The following RPGR variants were observed in gnomAD, a reference collection of about 807,000 sequenced individuals.
RPGR encodes the protein retinitis pigmentosa GTPase regulator, also known as X-linked retinitis pigmentosa GTPase regulator.
A neutral mutation model predicts 56.3 loss-of-function variants in RPGR; 10 were observed. That is an observed-to-expected ratio of 0.18 (90% CI 0.11 to 0.30). The LOEUF (loss-of-function observed/expected upper bound fraction) is 0.30. Among genes scored for constraint, RPGR ranks in the 10% least tolerant of loss-of-function variants. The pLI is 1.00. For missense variants in RPGR, 538 were observed against 590.9 expected (o/e 0.91, Z 0.93); for synonymous variants, 197 against 212.9 (o/e 0.93, Z 0.65).
chrX:38,318,694 A>T, intron 5 of RPGR, 135 bp downstream of exon 5: 1 of 636,213 alleles, frequency 1.6e-6, no homozygotes, highest in Non-Finnish European at 2.5e-6. Flanking sequence ...GTTATATTTT[A>T]AATGTTTTCT....
chrX:38,284,476 T>G, intron 15 of RPGR: 5 of 751,119 alleles, frequency 6.7e-6, no homozygotes, highest in Non-Finnish European at 7.9e-6. Flanking sequence ...TACAGAACAG[T>G]CAGTGAATAC....
chrX:38,270,458 C>CAAAAAAAAAAAA (rs771458538), intron 18 of RPGR, among the ~76,000 whole-genome samples: 1 of 76,526 alleles, frequency 1.3e-5, no homozygotes, highest in African/African-American at 5.1e-5. Context: ...ACTACAAATA[C>CAAAAAAAAAAAA]AAAAAAAAAA....
chrX:38,292,688 C>A (rs1319202014), intron 11 of RPGR, among the ~76,000 whole-genome samples: 3 of 112,206 alleles, frequency 2.7e-5, no homozygotes, highest in Non-Finnish European at 5.6e-5. Context: ...CTAATAAGTT[C>A]ATTAAGTATT....
intron 9 of RPGR, 99 bp from the exon 10 acceptor site, chrX:38,299,240 C>A: frequency 1.1e-6 from 1 of 875,415 alleles, no homozygotes; most frequent in Non-Finnish European, 1.6e-6. Context: ...TAGTGGTAGG[C>A]TTCCTAGACA....
intron 18 of RPGR, among the ~76,000 whole-genome samples, chrX:38,271,906 A>T (rs2066847050): frequency 8.9e-6 from 1 of 112,640 alleles, no homozygotes; most frequent in African/African-American, 3.2e-5. Context: ...AGACTAGAAT[A>T]AAAAAAGTAA....
chrX:38,292,714 G>A (rs1425855022), intron 11 of RPGR, among the ~76,000 whole-genome samples: 1 of 112,206 alleles, frequency 8.9e-6, no homozygotes, highest in Middle Eastern at 4.2e-3. Context: ...TTGCAATTTT[G>A]TTGTTTGCTG....
chrX:38,322,705 T>TATCTGA (rs2067969496), intron 3 of RPGR, 148 bp downstream of exon 3: 5 of 476,205 alleles, frequency 1.0e-5, no homozygotes, highest in Non-Finnish European at 1.8e-5. Flanking sequence ...CTGAATATCA[T>TATCTGA]ATAAAAGATA....
intron 9 of RPGR, among the ~76,000 whole-genome samples, chrX:38,300,840 G>A (rs1425548456): frequency 8.9e-6 from 1 of 112,235 alleles, no homozygotes; most frequent in Non-Finnish European, 1.9e-5. Context: ...CTGCCAAAAC[G>A]CTTTGTTTAT....
At chrX:38,299,565 G>A (rs1051319482) in intron 9 of RPGR, among the ~76,000 whole-genome samples, 3 of 111,087 alleles carry the variant, frequency 2.7e-5, no homozygotes, top group Non-Finnish European at 5.7e-5. Context: ...AGTCTCTTGA[G>A]CTAATTATGT....
intron 6 of RPGR, among the ~76,000 whole-genome samples, chrX:38,313,247 T>C (rs1457120621): frequency 2.7e-5 from 3 of 111,694 alleles, no homozygotes; most frequent in African/African-American, 9.8e-5. Flanking sequence ...ATTTTTTCTT[T>C]CTTGTTCTCA....
At chrX:38,298,298 T>C (rs2067433435) in intron 10 of RPGR, 1 of 297,344 alleles carries the variant, frequency 3.4e-6, no homozygotes, top group Admixed American at 4.1e-5. Flanking sequence ...TATATATATA[T>C]GTCATTGGAA....
intron 1 of RPGR, chrX:38,326,731 G>A (rs1352534074): frequency 9.0e-6 from 1 of 111,179 alleles, no homozygotes; most frequent in Non-Finnish European, 1.9e-5. Flanking sequence ...AAGTGCACAA[G>A]TCTGGAGTCC....
At chrX:38,286,614 C>T in intron 15 of RPGR, 1 of 1,126,257 alleles carries the variant, frequency 8.9e-7, no homozygotes, top group South Asian at 2.0e-5. Flanking sequence ...CCTCTTCCCC[C>T]TCTCCTTGGT....
At chrX:38,306,649 T>A (rs1191515744) in intron 7 of RPGR, among the ~76,000 whole-genome samples, 1 of 112,649 alleles carries the variant, frequency 8.9e-6, no homozygotes, top group Non-Finnish European at 1.9e-5. Context: ...CAGTTCTAAA[T>A]GTTCAGCTTA....
chrX:38,304,981 G>A (rs2067569185), intron 7 of RPGR, 191 bp from the exon 8 acceptor site: 2 of 439,728 alleles, frequency 4.5e-6, no homozygotes, highest in African/African-American at 2.5e-5. Flanking sequence ...AAATGAAAAG[G>A]TACATCATTA....
At chrX:38,321,236 G>A in intron 3 of RPGR, 147 bp from the exon 4 acceptor site, 1 of 510,448 alleles carries the variant, frequency 2.0e-6, no homozygotes, top group South Asian at 2.8e-5. Context: ...CAAACCAGAG[G>A]TTTTCAGAAC....
chrX:38,285,816 CTCT>C (rs747329361), intron 15 of RPGR: 13 of 1,205,886 alleles, frequency 1.1e-5, no homozygotes, highest in African/African-American at 3.6e-5. Context: ...CTTCCTCCTC[CTCT>C]TCTCTGTTCC....
chrX:38,306,718 T>C (rs1338282367), intron 7 of RPGR, among the ~76,000 whole-genome samples: 2 of 112,619 alleles, frequency 1.8e-5, no homozygotes, highest in Admixed American at 9.4e-5. Flanking sequence ...CAACAATTAC[T>C]CTACATTTCT....
In RPGR at chrX:38,299,084, T is replaced by C. The variant is rs2067451677; in HGVS notation, c.1117A>G (p.Lys373Glu). The stretch of plus-strand genomic sequence containing the variant: ...TTTATTTCATCGAATTCAATTTCTT[T>C]TGCCACACCACGATGAGGAGCAGCA... The change falls in exon 10 of 19, where the codon AAA (lysine) becomes GAA (glutamate). Residue 373 changes from lysine (K) to glutamate (E), a missense_variant. Lys to Glu is a moderately conservative substitution (Grantham distance 56, BLOSUM62 1). This residue lies in a region of RPGR where 357 missense variants were observed against 325.8 expected (regional missense o/e 1.10). Transcript: ENST00000642395. 8.3e-7 allele frequency: 1 copy of C among 1,210,049 alleles called. No homozygotes were observed. Among genetic ancestry groups the C allele is most frequent in the Admixed American group, 2.2e-5 (1 of 45,705 alleles).
Sources: gnomAD v4.1 joint callset for allele counts (sites outside exome capture counted in the v4.1 genomes callset) on GRCh38, gnomAD v4.1.1 for gene constraint, gnomAD v4.1.1 regional missense constraint, MANE v1.5 for transcripts, NCBI Gene and HGNC (gene_info 2026-07-23, HGNC 2026-07-21) for gene names.